DACH2: variants seen among roughly 807,000 people sequenced by gnomAD.
DACH2 encodes dachshund family transcription factor 2.
DACH2 carries 17 observed loss-of-function variants against 35.8 expected under a neutral mutation model. The observed-to-expected ratio is 0.48, with a 90% confidence interval of 0.33 to 0.71. DACH2 has a LOEUF of 0.71. Among genes scored for constraint, DACH2 ranks in the 30% least tolerant of loss-of-function variants. DACH2 has a pLI of 0.02. For synonymous variants in DACH2, 195 were observed against 177.3 expected (o/e 1.10, Z -0.79); for missense variants, 469 against 472.7 (o/e 0.99, Z 0.07).
At chrX:86,535,664 T>C (rs1172264863) in intron 3 of DACH2, among the ~76,000 whole-genome samples, 6 of 109,492 alleles carry the variant, frequency 5.5e-5, no homozygotes. Context: ...AAAGTATTGG[T>C]GTGGTGGCAG....
At chrX:86,401,625 T>C (rs2148132316) in intron 2 of DACH2, among the ~76,000 whole-genome samples, 1 of 110,548 alleles carries the variant, frequency 9.0e-6, no homozygotes, top group East Asian at 2.8e-4. Context: ...ATGAGAATAT[T>C]TATTACATTA....
intron 7 of DACH2, among the ~76,000 whole-genome samples, chrX:86,781,622 T>A (rs1464091551): frequency 2.7e-5 from 3 of 111,583 alleles, no homozygotes. Flanking sequence ...TCTGTTCCTC[T>A]AGAACCACTC....
chrX:86,546,514 T>C (rs2038976096), intron 3 of DACH2, among the ~76,000 whole-genome samples: 1 of 96,877 alleles, frequency 1.0e-5, no homozygotes, highest in African/African-American at 3.9e-5. Flanking sequence ...TTTTTTTTTT[T>C]TTTTTTTTAA....
chrX:86,612,048 G>GT (rs761572962), intron 3 of DACH2, among the ~76,000 whole-genome samples: 5 of 106,718 alleles, frequency 4.7e-5, no homozygotes, highest in South Asian at 8.6e-4. Context: ...TCTCTAAAAG[G>GT]TTTTTTTTAG....
chrX:86,722,036 C>A (rs970370970), intron 6 of DACH2, among the ~76,000 whole-genome samples: 14 of 111,989 alleles, frequency 1.3e-4, no homozygotes, highest in African/African-American at 4.2e-4. Flanking sequence ...TGTGTGGGGA[C>A]ACAGAGCCAG....
chrX:86,215,155 C>T (rs1449562993), intron 1 of DACH2, among the ~76,000 whole-genome samples: 1 of 110,590 alleles, frequency 9.0e-6, no homozygotes, highest in Admixed American at 9.7e-5. Context: ...TTTTTGGAAA[C>T]AAGTTACCCA....
chrX:86,743,112 G>A (rs759414113), intron 7 of DACH2, among the ~76,000 whole-genome samples: 28 of 111,573 alleles, frequency 2.5e-4, no homozygotes, highest in African/African-American at 7.5e-4. Flanking sequence ...ATAGAGGGGA[G>A]CTGCTTCCCT....
At chrX:86,354,870 CAAAAT>C (rs2035616588) in intron 1 of DACH2, among the ~76,000 whole-genome samples, 2 of 107,520 alleles carry the variant, frequency 1.9e-5, no homozygotes, top group South Asian at 8.1e-4. Flanking sequence ...CAAAACAAAA[CAAAAT>C]AAAACACTAC....
chrX:86,382,726 T>A (rs1348569284), intron 2 of DACH2, among the ~76,000 whole-genome samples: 2 of 110,880 alleles, frequency 1.8e-5, no homozygotes, highest in Admixed American at 1.9e-4. Flanking sequence ...GACTATAGCA[T>A]TCCTAGAAAG....
intron 1 of DACH2, among the ~76,000 whole-genome samples, chrX:86,270,612 G>T (rs1431009054): frequency 8.9e-6 from 1 of 112,152 alleles, no homozygotes; most frequent in Non-Finnish European, 1.9e-5. Context: ...AATAGTCATT[G>T]ATTTCGATGC....
intron 1 of DACH2, among the ~76,000 whole-genome samples, chrX:86,177,732 A>C (rs998904731): frequency 6.3e-5 from 7 of 111,420 alleles, no homozygotes; most frequent in Non-Finnish European, 1.1e-4. Flanking sequence ...TAGTGAGGGA[A>C]GCCATATGTA....
chrX:86,505,267 C>T (rs756561495), intron 2 of DACH2, among the ~76,000 whole-genome samples: 1 of 111,932 alleles, frequency 8.9e-6, no homozygotes, highest in Non-Finnish European at 1.9e-5. Context: ...TTGTATATAA[C>T]TTTTAAAAAT....
chrX:86,458,676 C>A (rs1194193887), intron 2 of DACH2, among the ~76,000 whole-genome samples: 1 of 111,201 alleles, frequency 9.0e-6, no homozygotes, highest in Non-Finnish European at 1.9e-5. Context: ...AAATATGTAC[C>A]AAATAATTTA....
chrX:86,280,276 A>G (rs1391167945), intron 1 of DACH2, among the ~76,000 whole-genome samples: 1 of 112,382 alleles, frequency 8.9e-6, no homozygotes, highest in Non-Finnish European at 1.9e-5. Context: ...CCTGCAAGCC[A>G]GAAGAGAGTG....
chrX:86,296,697 A>G (rs983691005), intron 1 of DACH2, among the ~76,000 whole-genome samples: 1 of 111,506 alleles, frequency 9.0e-6, no homozygotes, highest in Non-Finnish European at 1.9e-5. Context: ...GTACACATAC[A>G]TATCACTTTG....
chrX:86,176,917 A>G (rs1358491598), intron 1 of DACH2, among the ~76,000 whole-genome samples: 1 of 111,867 alleles, frequency 8.9e-6, no homozygotes, highest in African/African-American at 3.2e-5. Context: ...TTAGTACGTC[A>G]TATATTCAGG....
At chrX:86,265,583 T>G (rs1459502878) in intron 1 of DACH2, among the ~76,000 whole-genome samples, 1 of 112,359 alleles carries the variant, frequency 8.9e-6, no homozygotes, top group Non-Finnish European at 1.9e-5. Context: ...TATCTTTGAA[T>G]AAACATTTTG....
At chrX:86,438,798 C>A (rs960764914) in intron 2 of DACH2, among the ~76,000 whole-genome samples, 22 of 112,416 alleles carry the variant, frequency 2.0e-4, no homozygotes, top group East Asian at 2.8e-4. Flanking sequence ...AATGGTTGAA[C>A]CAATTTACAA....
At chrX:86,693,579 A>G (rs2041033099) in intron 4 of DACH2, among the ~76,000 whole-genome samples, 1 of 112,406 alleles carries the variant, frequency 8.9e-6, no homozygotes, top group African/African-American at 3.2e-5. Flanking sequence ...GATTCTTAGC[A>G]TGTAATTTGC....
Sources: allele counts gnomAD v4.1 joint callset (sites outside exome capture counted in the v4.1 genomes callset), GRCh38; gene constraint gnomAD v4.1.1; transcripts MANE v1.5; gene names NCBI Gene and HGNC (gene_info 2026-07-23, HGNC 2026-07-21).